Variants in CEP63 observed in about 807,000 individuals in gnomAD.
CEP63 encodes the protein centrosomal protein of 63 kDa.
CEP63 carries 84 observed loss-of-function variants against 89.1 expected under a neutral mutation model. The observed-to-expected ratio is 0.94, with a 90% CI of 0.79 to 1.13. The LOEUF is 1.13. Ranked by LOEUF, CEP63 falls within the 50% of genes most tolerant of loss-of-function variation. The pLI, the probability that CEP63 is intolerant of heterozygous loss-of-function variation, is 0.00. For missense variants in CEP63, 838 were observed against 813.3 expected (o/e 1.03, Z -0.37); for synonymous variants, 267 against 272.5 (o/e 0.98, Z 0.20).
At chr3:134,759,767 G>A in the CEP63 span, among the ~76,000 whole-genome samples, 1 of 152,168 alleles carries the variant, frequency 6.6e-6, no homozygotes, top group Non-Finnish European at 1.5e-5. Flanking sequence ...GACAATAACT[G>A]TAATCTTAAA....
the CEP63 span, among the ~76,000 whole-genome samples, chr3:134,614,516 C>T: frequency 6.6e-6 from 1 of 151,976 alleles, no homozygotes; most frequent in Non-Finnish European, 1.5e-5. Flanking sequence ...AGAGAAGCCC[C>T]AAGGGCTGCA....
At chr3:134,738,897 T>C in the CEP63 span, among the ~76,000 whole-genome samples, 1 of 151,782 alleles carries the variant, frequency 6.6e-6, no homozygotes, top group Non-Finnish European at 1.5e-5. Context: ...ATGCTCAACA[T>C]CATTAGTCAC....
At chr3:134,516,243 T>C (rs1946181859) in intron 3 of CEP63, among the ~76,000 whole-genome samples, 1 of 152,196 alleles carries the variant, frequency 6.6e-6, no homozygotes, top group Non-Finnish European at 1.5e-5. Context: ...GTGCTGTGCT[T>C]TAGATATGCA....
the CEP63 span, chr3:134,598,102 G>A: frequency 1.3e-5 from 2 of 152,220 alleles, no homozygotes; most frequent in African/African-American, 4.8e-5. Context: ...GGGGTCCAGC[G>A]AGTGACATGC....
intron 6 of CEP63, among the ~76,000 whole-genome samples, chr3:134,538,533 G>GTATATATATATATATATA (rs1404514000): frequency 9.9e-6 from 1 of 101,372 alleles, no homozygotes; most frequent in Non-Finnish European, 2.1e-5. Context: ...GTGTGTGTGT[G>GTATATATATATATATATA]TATATATATA....
intron 6 of CEP63, among the ~76,000 whole-genome samples, chr3:134,538,533 G>GTGTGTGTATATATA (rs1553770392): frequency 9.9e-6 from 1 of 101,372 alleles, no homozygotes; most frequent in African/African-American, 3.0e-5. Flanking sequence ...GTGTGTGTGT[G>GTGTGTGTATATATA]TATATATATA....
chr3:134,763,082 C>CT, the CEP63 span, among the ~76,000 whole-genome samples: 2 of 151,754 alleles, frequency 1.3e-5, no homozygotes, highest in African/African-American at 2.4e-5. Flanking sequence ...TTCTCTCTCT[C>CT]TTTTTTTTAA....
chr3:134,663,254 C>T, the CEP63 span, among the ~76,000 whole-genome samples: 1 of 152,216 alleles, frequency 6.6e-6, no homozygotes, highest in Non-Finnish European at 1.5e-5. Context: ...CCTGACTGTT[C>T]TGATGAGTCT....
the CEP63 span, among the ~76,000 whole-genome samples, chr3:134,761,956 G>C: frequency 6.6e-6 from 1 of 152,146 alleles, no homozygotes; most frequent in Non-Finnish European, 1.5e-5. Flanking sequence ...TCTTCCTGCA[G>C]GAGCAAAAAC....
At chr3:134,694,391 G>C in the CEP63 span, among the ~76,000 whole-genome samples, 9 of 152,304 alleles carry the variant, frequency 5.9e-5, no homozygotes, top group South Asian at 1.7e-3. Context: ...CAAAGTCACT[G>C]TTGTTCCCCA....
the CEP63 span, among the ~76,000 whole-genome samples, chr3:134,619,664 A>G: frequency 1.3e-5 from 2 of 152,220 alleles, no homozygotes. Context: ...CTCGTCTCCA[A>G]GTGGAGAAGG....
At chr3:134,508,879 A>G (rs1034900250) in intron 3 of CEP63, among the ~76,000 whole-genome samples, 3 of 152,066 alleles carry the variant, frequency 2.0e-5, no homozygotes, top group Non-Finnish European at 4.4e-5. Context: ...TTAAGTTTCT[A>G]GAAGTAGGTT....
the CEP63 span, among the ~76,000 whole-genome samples, chr3:134,671,198 G>T: frequency 6.6e-6 from 1 of 152,206 alleles, no homozygotes; most frequent in South Asian, 2.1e-4. Flanking sequence ...CATGGATGCA[G>T]CTGGAGTCCA....
At chr3:134,714,612 G>T in the CEP63 span, among the ~76,000 whole-genome samples, 21 of 152,222 alleles carry the variant, frequency 1.4e-4, no homozygotes, top group Non-Finnish European at 3.1e-4. Flanking sequence ...GGCATTTCTT[G>T]ATACTCATCT....
At chr3:134,609,010 C>T in the CEP63 span, among the ~76,000 whole-genome samples, 3 of 152,204 alleles carry the variant, frequency 2.0e-5, no homozygotes, top group Non-Finnish European at 4.4e-5. Flanking sequence ...AAATTGTAGT[C>T]AAGGCAGGGT....
Position 134,563,996 on chromosome 3 carries a change from CT to C in CEP63, c.*2464del, listed in dbSNP as rs2110221281. The C allele has an allele frequency of 6.6e-6, 1 of 152,666 alleles. No homozygotes were observed. Among genetic ancestry groups the C allele is most frequent in the South Asian group, 2.1e-4 (1 of 4,828 alleles). 9.5% of individuals were successfully genotyped at this position (152,666 alleles called of 1,614,324 possible). On this transcript the variant is annotated 3_prime_UTR_variant, in exon 15 of 15. Coordinates refer to ENST00000675561, the MANE Select transcript of CEP63 (RefSeq NM_001353108.3). ...TGGCATCCTCTCCTGAGCAAGCCTT[CT>C]TTGATTGCTGCCTCCCAAACCTGTT...
chr3:134,557,870 T>C (rs1160361153), intron 12 of CEP63, among the ~76,000 whole-genome samples: 1 of 152,172 alleles, frequency 6.6e-6, no homozygotes, highest in Admixed American at 6.5e-5. Flanking sequence ...GATTCCCTCT[T>C]ACAGCTTTCC....
chr3:134,717,401 TCA>T, the CEP63 span, among the ~76,000 whole-genome samples: 16 of 152,086 alleles, frequency 1.1e-4, no homozygotes, highest in East Asian at 3.1e-3. Context: ...ACACTCACAC[TCA>T]CACACACACA....
intron 5 of CEP63, chr3:134,535,673 A>G (rs1950635518): frequency 6.6e-6 from 1 of 152,074 alleles, no homozygotes; most frequent in Admixed American, 6.5e-5. Flanking sequence ...TGATGTCTAA[A>G]ATGTGTCAAA....
Sources: gnomAD v4.1 joint callset for allele counts (sites outside exome capture counted in the v4.1 genomes callset) on GRCh38, gnomAD v4.1.1 for gene constraint, MANE v1.5 for transcripts, NCBI Gene and HGNC (gene_info 2026-07-23, HGNC 2026-07-21) for gene names.